Variants in FMO2 observed in about 807,000 individuals in gnomAD.
FMO2 encodes the protein flavin-containing monooxygenase 2.
Under a neutral mutation model 41.6 loss-of-function variants are expected in FMO2, and 33 were observed. That is an observed-to-expected ratio of 0.79 (90% CI 0.60 to 1.06). The LOEUF is 1.06. Among genes scored for constraint, FMO2 ranks in the 50% least tolerant of loss-of-function variants. The pLI, the probability that FMO2 is intolerant of heterozygous loss-of-function variation, is 0.00. For synonymous variants in FMO2, 214 were observed against 219.6 expected (o/e 0.97, Z 0.23); for missense variants, 619 against 632.9 (o/e 0.98, Z 0.23).
rs1369837705 is a variant in FMO2 at position 171,199,401 on chromosome 1, T to C, written c.540T>C (p.Asp180=). Residue 180 remains aspartate (D), a synonymous_variant, in exon 5 of 9, where the codon GAT becomes GAC. Transcript: ENST00000209929. ...ATAGCCGCCAATACAAGCATCCAGA[T>C]GGATTTGAGGGAAAACGCATCCTGG... ...YFHSRQYKHP[D]GFEGKRILVI... is the part of the protein sequence containing the mutation. 2.5e-6 allele frequency: 4 copies of C among 1,612,142 alleles called. No homozygotes were observed. The highest frequency in any genetic ancestry group is 3.4e-6 in the Non-Finnish European group (4 of 1,179,252).
At chr1:171,201,112 C>T (rs1658517252) in intron 5 of FMO2, among the ~76,000 whole-genome samples, 1 of 152,104 alleles carries the variant, frequency 6.6e-6, no homozygotes, top group African/African-American at 2.4e-5. Flanking sequence ...TATATGCATG[C>T]CTTACAGCTT....
At chr1:171,187,573 C>T (rs1264618332) in intron 2 of FMO2, among the ~76,000 whole-genome samples, 1 of 148,666 alleles carries the variant, frequency 6.7e-6, no homozygotes, top group Non-Finnish European at 1.5e-5. Flanking sequence ...GGCTACCATG[C>T]CCAGCCATGG....
intron 5 of FMO2, 54 bp downstream of exon 5, chr1:171,199,542 T>C: frequency 6.5e-7 from 1 of 1,530,834 alleles, no homozygotes. Context: ...GGGGATGCCA[T>C]ACTGGAGAAC....
chr1:171,200,344 CCTT>C (rs28369879), intron 5 of FMO2, among the ~76,000 whole-genome samples: 2 of 152,230 alleles, frequency 1.3e-5, no homozygotes, highest in East Asian at 3.9e-4. Flanking sequence ...AAACTAAACT[CCTT>C]CTGCAAGGAC....
chr1:171,199,159 A>C, intron 4 of FMO2, 187 bp from the exon 5 acceptor site: 1 of 468,762 alleles, frequency 2.1e-6, no homozygotes. Context: ...TAGGCCTCCC[A>C]AAGGGCTGGG....
intron 8 of FMO2, among the ~76,000 whole-genome samples, chr1:171,208,374 A>C (rs1658848376): frequency 6.6e-6 from 1 of 152,212 alleles, no homozygotes; most frequent in South Asian, 2.1e-4. Context: ...AGTATCTACT[A>C]TACGCCATCC....
intron 2 of FMO2, among the ~76,000 whole-genome samples, chr1:171,188,365 GATTA>G (rs1288921695): frequency 2.0e-5 from 3 of 152,142 alleles, no homozygotes; most frequent in Non-Finnish European, 4.4e-5. Context: ...ATTAAAACCT[GATTA>G]ATTAGGCTTT....
At chr1:171,185,556 G>A (rs1301674648) in intron 1 of FMO2, 152 bp from the exon 2 acceptor site, 5 of 695,320 alleles carry the variant, frequency 7.2e-6, no homozygotes, top group Non-Finnish European at 1.2e-5. Flanking sequence ...GGCAAGAAGA[G>A]AGCAGGATTT....
At position 171,210,659 on chromosome 1, in the gene FMO2, G is replaced by A. The variant is rs1363551012; in HGVS notation, c.*1514G>A. Reference sequence around the variant, plus strand: ...AAGGTCAGAGATGTTGAAGATTCCAGCAAATTTCTCCTCTTATTTCTACCA... The same window carrying A: ...AAGGTCAGAGATGTTGAAGATTCCAACAAATTTCTCCTCTTATTTCTACCA... On this transcript the variant is annotated 3_prime_UTR_variant, in exon 9 of 9. Transcript: ENST00000209929. The A allele has an allele frequency of 6.6e-6, 1 of 152,086 alleles. No individual in the cohort carries two copies. The highest frequency in any genetic ancestry group is 1.9e-4 in the East Asian group (1 of 5,194). 9.4% of individuals were successfully genotyped at this position (152,086 alleles called of 1,614,324 possible). A position where few individuals can be genotyped will look rare whatever the true frequency, so the allele number is the denominator to read the frequency against.
rs1467448766 is a variant in FMO2 at position 171,196,827 on chromosome 1, A to C, written c.484+16A>C. 6.2e-7 allele frequency: 1 copy of C among 1,608,072 alleles called. No individual in the cohort carries two copies. Among genetic ancestry groups the C allele is most frequent in the South Asian group, 1.1e-5 (1 of 90,162 alleles). On this transcript the variant is annotated intron_variant, in intron 4 of 8. Coordinates refer to ENST00000209929, the MANE Select transcript of FMO2 (RefSeq NM_001460.5). ...TCATTTCCAGGTGAGACCCGCTGGGATTCCCAGCTTTTTGGAGTAGGTTTC... is the reference window on the plus strand; with the variant it reads ...TCATTTCCAGGTGAGACCCGCTGGGCTTCCCAGCTTTTTGGAGTAGGTTTC...
chr1:171,203,397 C>T (rs1226154525), intron 5 of FMO2, among the ~76,000 whole-genome samples: 3 of 151,856 alleles, frequency 2.0e-5, no homozygotes, highest in Non-Finnish European at 2.9e-5. Flanking sequence ...AGATTATTTC[C>T]CCTGTTATTC....
intron 2 of FMO2, among the ~76,000 whole-genome samples, chr1:171,189,643 C>T (rs1481528453): frequency 1.5e-5 from 2 of 136,260 alleles, no homozygotes; most frequent in African/African-American, 5.4e-5. Flanking sequence ...AAATCTGAGC[C>T]CGTCTTTTTT....
At chr1:171,201,969 A>C (rs1414949178) in intron 5 of FMO2, among the ~76,000 whole-genome samples, 1 of 152,210 alleles carries the variant, frequency 6.6e-6, no homozygotes, top group South Asian at 2.1e-4. Context: ...ATTATAATTT[A>C]AGGTGAGATG....
intron 2 of FMO2, among the ~76,000 whole-genome samples, chr1:171,191,559 T>C (rs12091865): frequency 0.1 from 15,869 of 152,170 alleles, 1,500 homozygotes; most frequent in African/African-American, 0.26. Flanking sequence ...CTTGAAACAA[T>C]TGTTGCATGT....
Position 171,205,408 on chromosome 1 carries a change from G to A in FMO2, c.957G>A (p.Glu319=). Residue 319 remains glutamate, a synonymous_variant, in exon 7 of 9, where the codon GAG becomes GAA. Coordinates refer to ENST00000209929, the MANE Select transcript of FMO2 (RefSeq NM_001460.5). The stretch of plus-strand genomic sequence containing the variant: ...CCATCTTTGAGGATGGAACAGTGGA[G>A]GAGAACATTGATGTCATCATTTTTG... ...TSAIFEDGTV[E]ENIDVIIFAT... is the part of the protein sequence containing the mutation. The A allele has an allele frequency of 6.2e-7, 1 of 1,613,846 alleles. No individual in the cohort carries two copies. Among genetic ancestry groups the A allele is most frequent in the Non-Finnish European group, 8.5e-7 (1 of 1,179,812 alleles).
chr1:171,204,192 T>A, intron 6 of FMO2, 128 bp downstream of exon 6: 1 of 668,884 alleles, frequency 1.5e-6, no homozygotes, highest in Non-Finnish European at 2.6e-6. Flanking sequence ...TATGAGTATC[T>A]TATAGGTCCT....
intron 2 of FMO2, among the ~76,000 whole-genome samples, chr1:171,191,194 C>A (rs1658070188): frequency 6.6e-6 from 1 of 151,856 alleles, no homozygotes; most frequent in African/African-American, 2.4e-5. Flanking sequence ...ATAGTGAGGT[C>A]ATTATTGTTT....
At position 171,194,197 on chromosome 1, in the gene FMO2, A is replaced by G. The variant is rs28369854; in HGVS notation, c.321+674A>G. ...TTGTTTTCTTAGCTTCTTCATAGAAATGGGATTTCTTAGATGTGTATTAAA... is the reference window on the plus strand; with the variant it reads ...TTGTTTTCTTAGCTTCTTCATAGAAGTGGGATTTCTTAGATGTGTATTAAA... On this transcript the variant is annotated intron_variant, in intron 3 of 8. Coordinates refer to ENST00000209929, the MANE Select transcript of FMO2 (RefSeq NM_001460.5). Among the ~76,000 whole-genome samples the G allele has an allele frequency of 9.1e-3, 1,392 of 152,342 alleles. 20 individuals are homozygous for G. The highest frequency in any genetic ancestry group is 0.032 in the African/African-American group (1,344 of 41,572).
rs539451427 is a variant in FMO2 at position 171,208,887 on chromosome 1, C to T, written c.1350C>T (p.Cys450=). 7.4e-6 allele frequency: 12 copies of T among 1,613,946 alleles called. No homozygotes were observed. The African/African-American group carries it at 1.5e-4, about 20-fold the overall frequency. The change falls in exon 9 of 9, where the codon TGC becomes TGT. Residue 450 remains cysteine, a synonymous_variant. Coordinates refer to ENST00000209929, the MANE Select transcript of FMO2 (RefSeq NM_001460.5). ...ALEIGAKPDF[C]SLLFKDPKLA... ...AGATAGGTGCGAAGCCAGATTTCTG[C>T]TCTCTCTTGTTCAAAGATCCTAAAC...
Sources: allele counts gnomAD v4.1 joint callset (sites outside exome capture counted in the v4.1 genomes callset), GRCh38; gene constraint gnomAD v4.1.1; transcripts MANE v1.5; gene names NCBI Gene and HGNC (gene_info 2026-07-23, HGNC 2026-07-21).